NOX4: variants seen among roughly 807,000 people sequenced by gnomAD.
The protein encoded by NOX4 is NADPH oxidase 4.
Under a neutral mutation model 87.6 loss-of-function variants are expected in NOX4, and 69 were observed. The ratio of observed to expected loss-of-function variants is 0.79; its 90% CI spans 0.65 to 0.96. The LOEUF (loss-of-function observed/expected upper bound fraction) is 0.96. Among genes scored for constraint, NOX4 ranks in the 40% least tolerant of loss-of-function variants. The pLI, the probability that NOX4 is intolerant of heterozygous loss-of-function variation, is 0.00. For missense variants in NOX4, 680 were observed against 681.5 expected (o/e 1.00, Z 0.02); for synonymous variants, 275 against 238.2 (o/e 1.15, Z -1.42).
Position 89,484,757 on chromosome 11 carries a change from C to G in NOX4, c.153+5701G>C, listed in dbSNP as rs529325809. Reference sequence around the variant, plus strand: ...ATAATTTCATCAAAGAAATATAACCCATTTCACCCATCAATAAACAAGAAA... The same window carrying G: ...ATAATTTCATCAAAGAAATATAACCGATTTCACCCATCAATAAACAAGAAA... On this transcript the variant is annotated intron_variant, in intron 2 of 17. Transcript: ENST00000263317. Among the ~76,000 whole-genome samples, 5 of 152,136 alleles carry G rather than the reference C, an allele frequency of 3.3e-5. No homozygotes were observed. In the South Asian group the frequency reaches 8.3e-4, roughly 25 times the overall value.
intron 2 of NOX4, among the ~76,000 whole-genome samples, chr11:89,476,934 G>C (rs535961221): frequency 6.6e-6 from 1 of 151,988 alleles, no homozygotes; most frequent in African/African-American, 2.4e-5. Flanking sequence ...ATAAAACACC[G>C]AAAAAAGGAT....
At chr11:89,490,865 G>T in intron 1 of NOX4, 1 of 701,118 alleles carries the variant, frequency 1.4e-6, no homozygotes, top group Non-Finnish European at 2.6e-6. Context: ...CAAGCAAACA[G>T]AAGTAATCTG....
intron 2 of NOX4, among the ~76,000 whole-genome samples, chr11:89,474,241 C>CA (rs1014017505): frequency 8.6e-5 from 13 of 151,700 alleles, no homozygotes; most frequent in African/African-American, 2.9e-4. Context: ...CCAAATGTTA[C>CA]AAAAAAAGGT....
At chr11:89,427,334 A>T (rs886475806) in intron 7 of NOX4, among the ~76,000 whole-genome samples, 2 of 152,232 alleles carry the variant, frequency 1.3e-5, no homozygotes, top group Non-Finnish European at 2.9e-5. Context: ...CTCCAAAGGA[A>T]CGCAGCTCCT....
chr11:89,433,168 G>C (rs1235387494), intron 6 of NOX4, among the ~76,000 whole-genome samples: 1 of 151,970 alleles, frequency 6.6e-6, no homozygotes, highest in Non-Finnish European at 1.5e-5. Flanking sequence ...TTATTACTTT[G>C]TGTTGGGAAC....
At chr11:89,342,035 T>C in intron 14 of NOX4, 39 bp downstream of exon 14, 2 of 1,523,776 alleles carry the variant, frequency 1.3e-6, no homozygotes, top group Non-Finnish European at 8.9e-7. Context: ...TATTGGCAGT[T>C]CTCTATTTGG....
intron 11 of NOX4, among the ~76,000 whole-genome samples, chr11:89,380,055 C>T (rs1940157237): frequency 6.6e-6 from 1 of 152,106 alleles, no homozygotes; most frequent in African/African-American, 2.4e-5. Flanking sequence ...ATATATGAGC[C>T]TGAATTACAG....
At chr11:89,565,349 C>T in the NOX4 span, among the ~76,000 whole-genome samples, 1 of 152,158 alleles carries the variant, frequency 6.6e-6, no homozygotes, top group African/African-American at 2.4e-5. Flanking sequence ...TTACCTTGCA[C>T]CAACATCCTT....
chr11:89,461,066 C>T (rs1945439203), intron 2 of NOX4, among the ~76,000 whole-genome samples: 1 of 152,166 alleles, frequency 6.6e-6, no homozygotes, highest in East Asian at 1.9e-4. Flanking sequence ...GGACAAAAAA[C>T]CAAACACCGC....
At chr11:89,467,349 CAAAAAAAAAA>C (rs71052233) in intron 2 of NOX4, among the ~76,000 whole-genome samples, 2,568 of 61,666 alleles carry the variant, frequency 0.042, 94 homozygotes, top group African/African-American at 0.14. Flanking sequence ...AAACTCGTCA[CAAAAAAAAAA>C]AAAAAAAAAA....
At chr11:89,530,008 C>T in the NOX4 span, among the ~76,000 whole-genome samples, 1 of 152,086 alleles carries the variant, frequency 6.6e-6, no homozygotes, top group Non-Finnish European at 1.5e-5. Flanking sequence ...GTTTTTAGCA[C>T]TCACTGTGTC....
At chr11:89,365,504 T>C (rs1450522715) in intron 12 of NOX4, among the ~76,000 whole-genome samples, 1 of 151,826 alleles carries the variant, frequency 6.6e-6, no homozygotes, top group Non-Finnish European at 1.5e-5. Flanking sequence ...ACAGACATTG[T>C]TGGGTAAACA....
chr11:89,357,783 A>G (rs1410366886), intron 12 of NOX4, among the ~76,000 whole-genome samples: 1 of 152,168 alleles, frequency 6.6e-6, no homozygotes, highest in Non-Finnish European at 1.5e-5. Context: ...CTATAATATA[A>G]TACATCCTTT....
chr11:89,507,656 C>T, the NOX4 span, among the ~76,000 whole-genome samples: 1 of 151,672 alleles, frequency 6.6e-6, no homozygotes, highest in Admixed American at 6.6e-5. Context: ...TGTGGTTATT[C>T]CACTTTAGAA....
upstream of NOX4, among the ~76,000 whole-genome samples, chr11:89,493,528 C>T (rs1458490360): frequency 6.6e-6 from 1 of 151,872 alleles, no homozygotes; most frequent in Non-Finnish European, 1.5e-5. Context: ...TGATGGAATG[C>T]TTATATAAAT....
the NOX4 span, chr11:89,548,926 C>A: frequency 6.6e-6 from 1 of 152,140 alleles, no homozygotes; most frequent in Non-Finnish European, 1.5e-5. Context: ...GAAATTCAAC[C>A]AAAGTTTCAT....
At chr11:89,413,605 T>A (rs977975027) in intron 8 of NOX4, among the ~76,000 whole-genome samples, 2 of 152,056 alleles carry the variant, frequency 1.3e-5, no homozygotes, top group Admixed American at 6.6e-5. Flanking sequence ...TCTCACTTAT[T>A]TGTGGGAGCT....
At chr11:89,434,661 T>A (rs1424061520) in intron 6 of NOX4, among the ~76,000 whole-genome samples, 2 of 152,032 alleles carry the variant, frequency 1.3e-5, no homozygotes, top group African/African-American at 2.4e-5. Context: ...TTTAAGAATG[T>A]TCATAGCTAC....
intron 11 of NOX4, among the ~76,000 whole-genome samples, chr11:89,389,511 C>T (rs78427132): frequency 5.3e-5 from 8 of 150,876 alleles, no homozygotes; most frequent in Non-Finnish European, 8.9e-5. Context: ...AAGTATTAGA[C>T]TTTTTAAAAA....
Sources: allele counts gnomAD v4.1 joint callset (sites outside exome capture counted in the v4.1 genomes callset), GRCh38; gene constraint gnomAD v4.1.1; transcripts MANE v1.5; gene names NCBI Gene and HGNC (gene_info 2026-07-23, HGNC 2026-07-21).